DIAPH2: variants seen among roughly 807,000 people sequenced by gnomAD.
The protein encoded by DIAPH2 is protein diaphanous homolog 2.
In DIAPH2, 35 loss-of-function variants were observed where a neutral mutation model predicts 92.7. The ratio of observed to expected loss-of-function variants is 0.38; its 90% CI spans 0.29 to 0.50. The LOEUF is 0.50. DIAPH2 is among the 20% of genes least tolerant of loss of function. DIAPH2 has a pLI of 0.94. For synonymous variants in DIAPH2, 301 were observed against 280.4 expected, an observed-to-expected ratio of 1.07 and a Z score of -0.73; for missense variants, 701 against 819.5, an observed-to-expected ratio of 0.86 and a Z score of 1.77.
At chrX:96,800,001 G>A (rs761173208) in intron 4 of DIAPH2, among the ~76,000 whole-genome samples, 40 of 110,694 alleles carry the variant, frequency 3.6e-4, no homozygotes, top group South Asian at 2.3e-3. Flanking sequence ...TGCTGAATTC[G>A]TAGGTAGTCT....
intron 15 of DIAPH2, among the ~76,000 whole-genome samples, chrX:96,957,231 G>C (rs1829803484): frequency 8.9e-6 from 1 of 112,245 alleles, no homozygotes; most frequent in Non-Finnish European, 1.9e-5. Flanking sequence ...ATGTTGGCCA[G>C]GCTGGTCTTG....
At chrX:97,462,557 C>T (rs761368616) in intron 26 of DIAPH2, among the ~76,000 whole-genome samples, 8 of 111,815 alleles carry the variant, frequency 7.2e-5, no homozygotes, top group Non-Finnish European at 1.5e-4. Context: ...TTTCAGGGTG[C>T]TAATTATAGA....
At chrX:97,333,686 T>A (rs1247721623) in intron 23 of DIAPH2, among the ~76,000 whole-genome samples, 1 of 110,112 alleles carries the variant, frequency 9.1e-6, no homozygotes, top group Non-Finnish European at 1.9e-5. Flanking sequence ...TGCCTCAGCC[T>A]CCTGAGTAGC....
intron 4 of DIAPH2, among the ~76,000 whole-genome samples, chrX:96,842,567 G>A (rs1179442981): frequency 8.9e-6 from 1 of 112,284 alleles, no homozygotes; most frequent in African/African-American, 3.2e-5. Context: ...AAAATGCCAT[G>A]TATAAAATAC....
At chrX:96,802,988 C>T (rs950727187) in intron 4 of DIAPH2, among the ~76,000 whole-genome samples, 16 of 111,235 alleles carry the variant, frequency 1.4e-4, no homozygotes, top group East Asian at 5.7e-4. Context: ...GATGGCCGGA[C>T]GACTCCGCCA....
At chrX:97,231,470 A>G (rs995458813) in intron 22 of DIAPH2, among the ~76,000 whole-genome samples, 5 of 111,269 alleles carry the variant, frequency 4.5e-5, no homozygotes, top group Non-Finnish European at 9.4e-5. Flanking sequence ...CAGTATGTAT[A>G]TAATTAAGAA....
At chrX:96,989,818 T>A (rs2066056795) in intron 17 of DIAPH2, among the ~76,000 whole-genome samples, 1 of 112,020 alleles carries the variant, frequency 8.9e-6, no homozygotes, top group Non-Finnish European at 1.9e-5. Context: ...CTGTTTATGA[T>A]GTTTATCACT....
chrX:97,545,533 A>AAT (rs72373635), intron 26 of DIAPH2, among the ~76,000 whole-genome samples: 54 of 79,331 alleles, frequency 6.8e-4, no homozygotes, highest in African/African-American at 2.3e-3. Flanking sequence ...AAAAAAAAAA[A>AAT]ATATATATAT....
At chrX:97,258,887 A>AAAAACAAC (rs2068265206) in intron 23 of DIAPH2, among the ~76,000 whole-genome samples, 1 of 106,368 alleles carries the variant, frequency 9.4e-6, no homozygotes. Context: ...AAAAAAAAAA[A>AAAAACAAC]AAAACAACAA....
At chrX:97,237,480 A>G (rs1159071181) in intron 22 of DIAPH2, among the ~76,000 whole-genome samples, 1 of 111,301 alleles carries the variant, frequency 9.0e-6, no homozygotes, top group Non-Finnish European at 1.9e-5. Flanking sequence ...AAAAGACTTG[A>G]CCTATTAAAA....
intron 4 of DIAPH2, among the ~76,000 whole-genome samples, chrX:96,782,621 A>G (rs912456697): frequency 9.0e-6 from 1 of 110,858 alleles, no homozygotes; most frequent in South Asian, 3.8e-4. Flanking sequence ...TTTTGTAGAG[A>G]TGGGGTTTCG....
intron 15 of DIAPH2, among the ~76,000 whole-genome samples, chrX:96,952,403 C>A (rs968249027): frequency 7.1e-5 from 8 of 111,928 alleles, no homozygotes; most frequent in Non-Finnish European, 1.1e-4. Context: ...TCAGTCCTTT[C>A]AACTGGTTGT....
chrX:97,316,189 T>C (rs975694387), intron 23 of DIAPH2, among the ~76,000 whole-genome samples: 1 of 111,359 alleles, frequency 9.0e-6, no homozygotes, highest in African/African-American at 3.3e-5. Flanking sequence ...CTTGTCCGTT[T>C]ACCCTAGTGT....
intron 22 of DIAPH2, among the ~76,000 whole-genome samples, chrX:97,151,778 G>A (rs758750009): frequency 1.8e-5 from 2 of 111,444 alleles, no homozygotes; most frequent in East Asian, 5.6e-4. Flanking sequence ...AGCTCATTGT[G>A]GATTTAAGCT....
In DIAPH2 at chrX:97,114,861, A is replaced by C. The variant is rs754440459; in HGVS notation, c.2485A>C (p.Ser829Arg). 8.3e-7 allele frequency: 1 copy of C among 1,211,066 alleles called. No individual in the cohort carries two copies. Among genetic ancestry groups the C allele is most frequent in the Admixed American group, 2.2e-5 (1 of 46,031 alleles). Residue 829 changes from serine to arginine, a missense_variant, in exon 21 of 27, where the codon AGC becomes CGC. Physicochemically the swap from Ser to Arg is moderately radical, Grantham distance 110 (BLOSUM62 -1). Around this residue, in one of 3 missense-constraint regions of DIAPH2, gnomAD observed 536 missense variants for 599.3 expected, o/e 0.89. Transcript: ENST00000324765. ...CTGTGAAGAACTGAAGAAAAGTGAA[A>C]GCTTTAACAGACTTTTAGAGTTAGT... is the stretch of plus-strand genomic sequence containing the variant. ...LACEELKKSE[S>R]FNRLLELVLL...
chrX:97,410,434 G>GA (rs1371474661), intron 25 of DIAPH2, among the ~76,000 whole-genome samples: 1 of 111,972 alleles, frequency 8.9e-6, no homozygotes, highest in Admixed American at 9.5e-5. Context: ...CAAATGTAGA[G>GA]AAAACCACAA....
chrX:97,165,820 A>G (rs1409924977), intron 22 of DIAPH2, among the ~76,000 whole-genome samples: 1 of 111,547 alleles, frequency 9.0e-6, no homozygotes, highest in Non-Finnish European at 1.9e-5. Flanking sequence ...ATAAACAAGT[A>G]TAGCAAGTAT....
intron 3 of DIAPH2, 25 bp from the exon 4 acceptor site, chrX:96,758,129 C>G (rs2297827): frequency 8.9e-7 from 1 of 1,129,281 alleles, no homozygotes; most frequent in Non-Finnish European, 1.2e-6. Context: ...TTATCAATGC[C>G]CACAGTAAAT....
intron 17 of DIAPH2, among the ~76,000 whole-genome samples, chrX:96,972,386 C>T (rs1374238173): frequency 8.9e-6 from 1 of 111,758 alleles, no homozygotes; most frequent in African/African-American, 3.2e-5. Flanking sequence ...TAAAATTATA[C>T]TTCCTATTTA....
Sources: gnomAD v4.1 joint callset for allele counts (sites outside exome capture counted in the v4.1 genomes callset) on GRCh38, gnomAD v4.1.1 for gene constraint, gnomAD v4.1.1 regional missense constraint, MANE v1.5 for transcripts, NCBI Gene and HGNC (gene_info 2026-07-23, HGNC 2026-07-21) for gene names.